ARB2A: variants seen among roughly 807,000 people sequenced by gnomAD.
ARB2A encodes the protein ARB2 cotranscriptional regulator A, also known as cotranscriptional regulator ARB2A.
At chr5:94,106,870 GAAAAAAAA>G in the ARB2A span, among the ~76,000 whole-genome samples, 3 of 57,404 alleles carry the variant, frequency 5.2e-5, no homozygotes, top group African/African-American at 1.8e-4. Context: ...AATCAATGCA[GAAAAAAAA>G]AAAAAAAAAA....
the ARB2A span, among the ~76,000 whole-genome samples, chr5:93,713,355 G>GA: frequency 1.7e-4 from 25 of 148,312 alleles, no homozygotes; most frequent in Admixed American, 5.4e-4. Context: ...AACTCATTAG[G>GA]AAAAAAAAAA....
chr5:94,018,078 T>A, the ARB2A span, among the ~76,000 whole-genome samples: 1 of 152,210 alleles, frequency 6.6e-6, no homozygotes, highest in African/African-American at 2.4e-5. Flanking sequence ...CCCAGCCATA[T>A]GAAACTGTAA....
the ARB2A span, among the ~76,000 whole-genome samples, chr5:93,922,041 A>G: frequency 1.3e-5 from 2 of 152,178 alleles, no homozygotes; most frequent in Non-Finnish European, 2.9e-5. Context: ...AGATAATTAC[A>G]CATGGTACTT....
At chr5:93,751,692 A>T in the ARB2A span, among the ~76,000 whole-genome samples, 1 of 152,246 alleles carries the variant, frequency 6.6e-6, no homozygotes, top group Non-Finnish European at 1.5e-5. Context: ...AGTACCAAAG[A>T]ATATGCATTT....
chr5:93,859,121 A>C, the ARB2A span, among the ~76,000 whole-genome samples: 6 of 152,330 alleles, frequency 3.9e-5, no homozygotes, highest in Admixed American at 6.5e-5. Flanking sequence ...ATCTGTGTTA[A>C]AGGTGGCACT....
the ARB2A span, among the ~76,000 whole-genome samples, chr5:93,704,843 G>A: frequency 6.6e-6 from 1 of 152,190 alleles, no homozygotes; most frequent in African/African-American, 2.4e-5. Context: ...GAAGAGCTAT[G>A]ATTCTCCACC....
the ARB2A span, among the ~76,000 whole-genome samples, chr5:93,915,755 G>A: frequency 1.2e-4 from 18 of 151,846 alleles, no homozygotes; most frequent in African/African-American, 1.7e-4. Context: ...CAATTAATAC[G>A]TGTATATTAG....
the ARB2A span, among the ~76,000 whole-genome samples, chr5:93,871,627 T>TAATA: frequency 6.6e-6 from 1 of 152,236 alleles, no homozygotes. Context: ...TCAGCTGCCT[T>TAATA]CTATTAAGCC....
the ARB2A span, among the ~76,000 whole-genome samples, chr5:93,997,423 T>C: frequency 2.4e-4 from 37 of 152,140 alleles, no homozygotes; most frequent in East Asian, 6.8e-3. Flanking sequence ...CAGTATACCC[T>C]CAACTAGTTA....
the ARB2A span, among the ~76,000 whole-genome samples, chr5:93,637,741 A>G: frequency 6.6e-6 from 1 of 152,204 alleles, no homozygotes; most frequent in Middle Eastern, 3.2e-3. Flanking sequence ...GAAATTTAGA[A>G]TAATTTTGTC....
chr5:93,913,126 G>C, the ARB2A span, among the ~76,000 whole-genome samples: 1 of 151,712 alleles, frequency 6.6e-6, no homozygotes, highest in Non-Finnish European at 1.5e-5. Context: ...CTAATTCTAA[G>C]GCTGGTGAGA....
At chr5:93,767,925 C>T in the ARB2A span, among the ~76,000 whole-genome samples, 4 of 125,970 alleles carry the variant, frequency 3.2e-5, no homozygotes, top group East Asian at 2.8e-4. Flanking sequence ...ACTCGGGAGG[C>T]GGAGCTTGCA....
the ARB2A span, among the ~76,000 whole-genome samples, chr5:93,969,152 A>C: frequency 3.7e-3 from 556 of 151,852 alleles, 2 homozygotes; most frequent in Middle Eastern, 0.014. Flanking sequence ...CAAGAAAGAA[A>C]TGAAGGTAAA....
At chr5:93,867,715 T>C in the ARB2A span, among the ~76,000 whole-genome samples, 491 of 152,276 alleles carry the variant, frequency 3.2e-3, 1 homozygote, top group African/African-American at 0.011. Context: ...ATAAGAATTA[T>C]ATTTAGGAGA....
At chr5:93,979,665 T>C in the ARB2A span, among the ~76,000 whole-genome samples, 1 of 152,102 alleles carries the variant, frequency 6.6e-6, no homozygotes, top group Non-Finnish European at 1.5e-5. Flanking sequence ...CATTAAAATT[T>C]TGTTTTGTTG....
the ARB2A span, among the ~76,000 whole-genome samples, chr5:93,826,966 G>A: frequency 6.6e-6 from 1 of 151,916 alleles, no homozygotes; most frequent in African/African-American, 2.4e-5. Context: ...TGGTGTATAT[G>A]TGCCACGTTT....
the ARB2A span, chr5:93,881,380 AT>A: frequency 1.0e-6 from 1 of 954,954 alleles, no homozygotes; most frequent in Non-Finnish European, 1.5e-6. Flanking sequence ...AAAAAAATTA[AT>A]ATTCTTGAAG....
At chr5:94,089,354 T>C in the ARB2A span, among the ~76,000 whole-genome samples, 4 of 152,160 alleles carry the variant, frequency 2.6e-5, no homozygotes, top group African/African-American at 7.2e-5. Context: ...AAGAATATAT[T>C]TAAAGGCCTA....
At chr5:94,103,795 C>CAAAAAAAAAAAAAAAAAAAAAAA in the ARB2A span, among the ~76,000 whole-genome samples, 1 of 113,344 alleles carries the variant, frequency 8.8e-6, no homozygotes. Context: ...TCAACAGATT[C>CAAAAAAAAAAAAAAAAAAAAAAA]AAAAAAAAAA....
Sources: gnomAD v4.1 joint callset for allele counts (sites outside exome capture counted in the v4.1 genomes callset) on GRCh38, gnomAD v4.1.1 for gene constraint, MANE v1.5 for transcripts, NCBI Gene and HGNC (gene_info 2026-07-23, HGNC 2026-07-21) for gene names.